RAD54B: variants seen among roughly 807,000 people sequenced by gnomAD.
The protein encoded by RAD54B is DNA repair and recombination protein RAD54B.
RAD54B carries 78 observed loss-of-function variants against 95.8 expected under a neutral mutation model. That is an observed-to-expected ratio of 0.81 (90% CI 0.68 to 0.98). RAD54B has a LOEUF of 0.98. Among genes scored for constraint, RAD54B ranks in the 50% least tolerant of loss-of-function variants. RAD54B has a pLI of 0.00. For synonymous variants in RAD54B, 328 were observed against 354.9 expected (o/e 0.92, Z 0.85); for missense variants, 957 against 1,056.6 (o/e 0.91, Z 1.31).
intron 3 of RAD54B, among the ~76,000 whole-genome samples, chr8:94,421,703 CA>C (rs1168196649): frequency 6.6e-6 from 1 of 152,194 alleles, no homozygotes; most frequent in Non-Finnish European, 1.5e-5. Flanking sequence ...GTCCCACAGA[CA>C]ATCAACCACA....
At chr8:94,452,914 T>C (rs1240819143) in intron 3 of RAD54B, among the ~76,000 whole-genome samples, 1 of 152,214 alleles carries the variant, frequency 6.6e-6, no homozygotes, top group African/African-American at 2.4e-5. Flanking sequence ...AAAATATGAA[T>C]ATATACTTAC....
rs531167869 is a variant in RAD54B, at chr8:94,412,817, T to A, written c.305-1502A>T. The stretch of plus-strand genomic sequence containing the variant: ...TTTACAGATAATGTAACTATTTACA[T>A]AGAAATCCCCAGAGAATCTAAAAAT... On this transcript the variant is annotated intron_variant, in intron 3 of 14. Coordinates refer to ENST00000336148, the MANE Select transcript of RAD54B (RefSeq NM_012415.3). 2.6e-5 allele frequency among the ~76,000 whole-genome samples: 4 copies of A among 152,244 alleles called. No homozygotes were observed. In the South Asian group the frequency reaches 8.3e-4, roughly 32 times the overall value.
chr8:94,382,129 A>G (rs956194383), intron 11 of RAD54B, among the ~76,000 whole-genome samples: 10 of 151,664 alleles, frequency 6.6e-5, no homozygotes, highest in South Asian at 4.2e-4. Flanking sequence ...AAAAAAAAAA[A>G]AGAGAGCGAG....
chr8:94,381,032 C>T (rs1454992512), intron 11 of RAD54B, among the ~76,000 whole-genome samples: 3 of 152,162 alleles, frequency 2.0e-5, no homozygotes, highest in Admixed American at 1.3e-4. Flanking sequence ...TGGCTTATGC[C>T]TGTAGCCCCT....
intron 3 of RAD54B, chr8:94,428,987 G>A (rs1338992625): frequency 2.0e-6 from 2 of 982,214 alleles, no homozygotes; most frequent in Non-Finnish European, 2.4e-6. Context: ...ACTATACTAT[G>A]TTAATCATGG....
chr8:94,431,548 A>G (rs536029844), intron 3 of RAD54B: 1 of 963,264 alleles, frequency 1.0e-6, no homozygotes. Flanking sequence ...CTGCTCTGCC[A>G]TAAATAGCTT....
intron 3 of RAD54B, chr8:94,432,579 G>A: frequency 6.5e-7 from 1 of 1,550,222 alleles, no homozygotes; most frequent in Non-Finnish European, 8.7e-7. Context: ...CACCTCCACT[G>A]TAATAGCAAC....
At chr8:94,375,736 T>G (rs1294903256) in intron 14 of RAD54B, among the ~76,000 whole-genome samples, 1 of 152,084 alleles carries the variant, frequency 6.6e-6, no homozygotes, top group East Asian at 1.9e-4. Flanking sequence ...GATACGCTAC[T>G]GAGTGAAAAA....
intron 14 of RAD54B, among the ~76,000 whole-genome samples, chr8:94,373,325 A>G (rs1810485240): frequency 6.6e-6 from 1 of 152,216 alleles, no homozygotes; most frequent in South Asian, 2.1e-4. Context: ...GCCGTTATTC[A>G]CCAAATCCAT....
chr8:94,418,872 A>C (rs536135105), intron 3 of RAD54B, among the ~76,000 whole-genome samples: 2 of 152,316 alleles, frequency 1.3e-5, no homozygotes, highest in South Asian at 4.1e-4. Context: ...TGACTATCAT[A>C]AAGCTTCTAT....
intron 3 of RAD54B, among the ~76,000 whole-genome samples, chr8:94,421,901 T>C (rs1811814975): frequency 6.6e-6 from 1 of 152,240 alleles, no homozygotes; most frequent in Non-Finnish European, 1.5e-5. Context: ...ACATTTATTA[T>C]AGTTATCTAT....
At chr8:94,393,626 G>T in intron 9 of RAD54B, 117 bp downstream of exon 9, 3 of 973,530 alleles carry the variant, frequency 3.1e-6, no homozygotes, top group Non-Finnish European at 4.5e-6. Context: ...GAAGGATTGT[G>T]GAGAAAAATA....
At chr8:94,380,761 T>C (rs1810719673) in intron 11 of RAD54B, among the ~76,000 whole-genome samples, 1 of 152,084 alleles carries the variant, frequency 6.6e-6, no homozygotes, top group Admixed American at 6.5e-5. Context: ...ATACATAAGG[T>C]GATGCCTACA....
chr8:94,430,802 T>C (rs1211398194), intron 3 of RAD54B: 8 of 985,478 alleles, frequency 8.1e-6, no homozygotes, highest in Non-Finnish European at 8.4e-6. Context: ...ATGTGAAAAT[T>C]CTGCTGGAGC....
chr8:94,440,139 G>A (rs960160860), intron 3 of RAD54B, among the ~76,000 whole-genome samples: 3 of 152,072 alleles, frequency 2.0e-5, no homozygotes, highest in Non-Finnish European at 4.4e-5. Flanking sequence ...ACCATCTGAT[G>A]AGAATGTATG....
chr8:94,424,455 T>C lies in RAD54B; in HGVS notation c.305-13140A>G, dbSNP rs77493666. 7.3e-3 allele frequency among the ~76,000 whole-genome samples: 1,109 copies of C among 152,300 alleles called. 12 individuals are homozygous for C. Among genetic ancestry groups the C allele is most frequent in the African/African-American group, 0.025 (1,037 of 41,538 alleles). ...CATTTGCCCTTGTCCCTTTCTCAAT[T>C]ACTCCCATTTTTAAAATTATGTAGG... On this transcript the variant is annotated intron_variant, in intron 3 of 14. Coordinates refer to ENST00000336148, the MANE Select transcript of RAD54B (RefSeq NM_012415.3).
chr8:94,383,810 C>G (rs992453507), intron 11 of RAD54B, among the ~76,000 whole-genome samples: 36 of 152,098 alleles, frequency 2.4e-4, no homozygotes, highest in Non-Finnish European at 2.1e-4. Context: ...AAATGCAAAT[C>G]AAAACTACAA....
intron 5 of RAD54B, among the ~76,000 whole-genome samples, chr8:94,407,176 C>T (rs115289818): frequency 0.012 from 1,770 of 152,212 alleles, 27 homozygotes; most frequent in African/African-American, 0.04. Context: ...AATGTATACA[C>T]ATACAATTTA....
At chr8:94,403,013 G>A (rs548347700) in intron 6 of RAD54B, among the ~76,000 whole-genome samples, 3 of 152,236 alleles carry the variant, frequency 2.0e-5, no homozygotes, top group South Asian at 2.1e-4. Flanking sequence ...TAAGACCTTC[G>A]AAAGAAAAAG....
Sources: allele counts gnomAD v4.1 joint callset (sites outside exome capture counted in the v4.1 genomes callset), GRCh38; gene constraint gnomAD v4.1.1; transcripts MANE v1.5; gene names NCBI Gene and HGNC (gene_info 2026-07-23, HGNC 2026-07-21).